ATRNL1: variants seen among roughly 807,000 people sequenced by gnomAD.
The protein encoded by ATRNL1 is attractin like 1, also known as attractin-like protein 1.
In ATRNL1, 95 loss-of-function variants were observed where a neutral mutation model predicts 182.7. The observed-to-expected ratio is 0.52, with a 90% CI of 0.44 to 0.62. The LOEUF is 0.62. Ranked by LOEUF, ATRNL1 falls within the 20% of genes least tolerant of loss-of-function variation. ATRNL1 has a pLI of 0.00. For missense variants in ATRNL1, 1,471 were observed against 1,679.5 expected (o/e 0.88, Z 2.17); for synonymous variants, 576 against 568.3 (o/e 1.01, Z -0.19).
intron 27 of ATRNL1, among the ~76,000 whole-genome samples, chr10:115,838,807 C>T (rs878710): frequency 0.1 from 15,845 of 151,708 alleles, 2,580 homozygotes; most frequent in African/African-American, 0.35. Context: ...TTTTTAATAC[C>T]CTAAAACGGC....
At chr10:115,362,267 G>C (rs1856786755) in intron 19 of ATRNL1, among the ~76,000 whole-genome samples, 1 of 151,902 alleles carries the variant, frequency 6.6e-6, no homozygotes, top group Non-Finnish European at 1.5e-5. Flanking sequence ...ACTATAAATT[G>C]ATGAAAATTT....
At chr10:115,432,136 A>G (rs1333397746) in intron 21 of ATRNL1, among the ~76,000 whole-genome samples, 2 of 152,162 alleles carry the variant, frequency 1.3e-5, no homozygotes, top group African/African-American at 4.8e-5. Context: ...AGCTTAACAC[A>G]TCTAAAATTT....
intron 26 of ATRNL1, among the ~76,000 whole-genome samples, chr10:115,629,290 A>T (rs1858328827): frequency 6.6e-6 from 1 of 152,206 alleles, no homozygotes; most frequent in Admixed American, 6.5e-5. Context: ...TAGTAAACCA[A>T]CAATTTAAGT....
intron 26 of ATRNL1, among the ~76,000 whole-genome samples, chr10:115,630,951 A>G (rs987694245): frequency 1.3e-5 from 2 of 151,126 alleles, no homozygotes; most frequent in African/African-American, 2.4e-5. Flanking sequence ...ACATTACACT[A>G]AGTGAAATAA....
intron 20 of ATRNL1, among the ~76,000 whole-genome samples, chr10:115,402,323 A>G (rs962001744): frequency 6.6e-6 from 1 of 152,022 alleles, no homozygotes; most frequent in African/African-American, 2.4e-5. Context: ...TATTTTGTGG[A>G]ATTACTTTGT....
intron 26 of ATRNL1, among the ~76,000 whole-genome samples, chr10:115,690,798 A>G (rs1336606400): frequency 1.3e-5 from 2 of 152,174 alleles, no homozygotes; most frequent in African/African-American, 4.8e-5. Context: ...ACAATGTGCA[A>G]GTCCTCTTTC....
chr10:115,529,716 T>G (rs1454094622), intron 25 of ATRNL1, among the ~76,000 whole-genome samples: 1 of 152,134 alleles, frequency 6.6e-6, no homozygotes, highest in African/African-American at 2.4e-5. Flanking sequence ...GTCTAATTTT[T>G]AAACGTTTTC....
chr10:115,283,327 T>C lies in ATRNL1; in HGVS notation c.2233+1840T>C, dbSNP rs1369303179. Among the ~76,000 whole-genome samples the C allele has an allele frequency of 2.0e-5, 3 of 152,016 alleles. No individual in the cohort carries two copies. The East Asian group carries it at 5.8e-4, about 29-fold the overall frequency. On this transcript the variant is annotated intron_variant, in intron 14 of 28. Transcript: ENST00000355044. ...TACTCGGGAGGCTGAGGCAGGAGAA[T>C]CACTTGAACTCAGGAGGTGGAGGTT...
intron 15 of ATRNL1, among the ~76,000 whole-genome samples, chr10:115,294,963 G>A (rs1424774700): frequency 6.6e-6 from 1 of 152,194 alleles, no homozygotes; most frequent in Non-Finnish European, 1.5e-5. Context: ...GGGCATGTGA[G>A]TACACACAGT....
At chr10:115,644,486 G>C (rs1048852888) in intron 26 of ATRNL1, among the ~76,000 whole-genome samples, 1 of 152,072 alleles carries the variant, frequency 6.6e-6, no homozygotes, top group African/African-American at 2.4e-5. Context: ...GCTCAAGGTC[G>C]CATAGCCCAA....
intron 1 of ATRNL1, among the ~76,000 whole-genome samples, chr10:115,115,990 C>G (rs1554869844): frequency 6.6e-6 from 1 of 152,024 alleles, no homozygotes; most frequent in Admixed American, 6.6e-5. Flanking sequence ...GAGATATTGA[C>G]AAGGCATATG....
chr10:115,361,661 C>G (rs530409411), intron 19 of ATRNL1, among the ~76,000 whole-genome samples: 18 of 152,102 alleles, frequency 1.2e-4, no homozygotes, highest in Admixed American at 7.2e-4. Flanking sequence ...TGGACATGGG[C>G]TGGATTTGGA....
chr10:115,627,899 G>A (rs1473734341), intron 26 of ATRNL1, among the ~76,000 whole-genome samples: 1 of 151,974 alleles, frequency 6.6e-6, no homozygotes, highest in Non-Finnish European at 1.5e-5. Flanking sequence ...AGTTTGAAAT[G>A]AACCATGTTG....
chr10:115,837,026 T>A (rs1371948673), intron 27 of ATRNL1, among the ~76,000 whole-genome samples: 1 of 152,128 alleles, frequency 6.6e-6, no homozygotes, highest in African/African-American at 2.4e-5. Context: ...AGGGAAAGGA[T>A]CATTACCCAG....
At chr10:115,466,424 G>C (rs1360806208) in intron 22 of ATRNL1, among the ~76,000 whole-genome samples, 1 of 151,136 alleles carries the variant, frequency 6.6e-6, no homozygotes, top group Non-Finnish European at 1.5e-5. Flanking sequence ...ATCATTCTTT[G>C]CCTTTCCACA....
intron 24 of ATRNL1, among the ~76,000 whole-genome samples, chr10:115,491,647 G>A (rs1400198597): frequency 3.9e-5 from 6 of 152,152 alleles, no homozygotes; most frequent in East Asian, 1.9e-4. Context: ...TGCTGGCAGC[G>A]AGAATTTCAA....
At chr10:115,364,778 A>C (rs1311611786) in intron 19 of ATRNL1, among the ~76,000 whole-genome samples, 2 of 151,918 alleles carry the variant, frequency 1.3e-5, no homozygotes, top group East Asian at 3.9e-4. Context: ...TTGAGATAAT[A>C]ATGTGGTTTG....
At chr10:115,394,525 TC>T (rs1844191942) in intron 19 of ATRNL1, 133 bp from the exon 20 acceptor site, 1 of 667,394 alleles carries the variant, frequency 1.5e-6, no homozygotes, top group Non-Finnish European at 2.6e-6. Flanking sequence ...ATTTATACTA[TC>T]TGGTAACCTT....
chr10:115,840,382 A>G (rs1353479410), intron 27 of ATRNL1, among the ~76,000 whole-genome samples: 1 of 152,180 alleles, frequency 6.6e-6, no homozygotes, highest in African/African-American at 2.4e-5. Flanking sequence ...ATACGGAACA[A>G]AGAGCAATTC....
Sources: gnomAD v4.1 joint callset for allele counts (sites outside exome capture counted in the v4.1 genomes callset) on GRCh38, gnomAD v4.1.1 for gene constraint, MANE v1.5 for transcripts, NCBI Gene and HGNC (gene_info 2026-07-23, HGNC 2026-07-21) for gene names.